Variants in TCF12 observed in about 807,000 individuals in gnomAD.
TCF12 encodes the protein transcription factor 12.
A neutral mutation model predicts 86.0 loss-of-function variants in TCF12; 45 were observed. That is an observed-to-expected ratio of 0.52 (90% confidence interval 0.41 to 0.67). The LOEUF (loss-of-function observed/expected upper bound fraction) is 0.67. Ranked by LOEUF, TCF12 falls within the 30% of genes least tolerant of loss-of-function variation. TCF12 has a pLI of 0.00. For missense variants in TCF12, 881 were observed against 859.9 expected, an observed-to-expected ratio of 1.02 and a Z score of -0.31; for synonymous variants, 330 against 299.6, an observed-to-expected ratio of 1.10 and a Z score of -1.05.
intron 5 of TCF12, among the ~76,000 whole-genome samples, chr15:57,145,097 A>C (rs1276977775): frequency 6.6e-6 from 1 of 152,240 alleles, no homozygotes; most frequent in East Asian, 1.9e-4. Context: ...TCCCTTATTT[A>C]AGAACATTTA....
intron 16 of TCF12, among the ~76,000 whole-genome samples, chr15:57,257,129 C>G (rs1355538031): frequency 6.6e-6 from 1 of 152,152 alleles, no homozygotes; most frequent in African/African-American, 2.4e-5. Flanking sequence ...AAAACAAGCT[C>G]CTTTATTTAC....
chr15:57,171,239 T>C (rs1222262508), intron 6 of TCF12, among the ~76,000 whole-genome samples: 1 of 152,028 alleles, frequency 6.6e-6, no homozygotes, highest in Non-Finnish European at 1.5e-5. Context: ...ACCTTTTTTT[T>C]TTTAAGAATT....
intron 3 of TCF12, among the ~76,000 whole-genome samples, chr15:57,008,201 C>T (rs2064589341): frequency 6.6e-6 from 1 of 150,722 alleles, no homozygotes; most frequent in South Asian, 2.1e-4. Flanking sequence ...CTCCTGGCAT[C>T]AAACATCAAA....
At chr15:57,173,583 A>G (rs906255598) in intron 6 of TCF12, among the ~76,000 whole-genome samples, 1 of 152,182 alleles carries the variant, frequency 6.6e-6, no homozygotes, top group Non-Finnish European at 1.5e-5. Flanking sequence ...TCATATATAC[A>G]TTAAGAATAT....
At chr15:56,983,121 A>C (rs1567202746) in intron 3 of TCF12, among the ~76,000 whole-genome samples, 2 of 152,218 alleles carry the variant, frequency 1.3e-5, no homozygotes, top group East Asian at 3.8e-4. Context: ...TTAATGATTC[A>C]GAATTGCTGG....
At chr15:56,932,500 AAG>A (rs2060289745) in intron 3 of TCF12, among the ~76,000 whole-genome samples, 1 of 152,130 alleles carries the variant, frequency 6.6e-6, no homozygotes, top group African/African-American at 2.4e-5. Context: ...AGAAGAAAAA[AAG>A]AAGTCTTAAA....
At chr15:57,100,294 C>T (rs1341604068) in intron 5 of TCF12, among the ~76,000 whole-genome samples, 10 of 152,082 alleles carry the variant, frequency 6.6e-5, no homozygotes, top group South Asian at 2.1e-4. Context: ...CTGCTATATG[C>T]GTAGAATTTC....
chr15:57,014,075 A>G (rs1362753937), intron 3 of TCF12, among the ~76,000 whole-genome samples: 2 of 152,170 alleles, frequency 1.3e-5, no homozygotes, highest in African/African-American at 4.8e-5. Context: ...GATCTAGGTC[A>G]CGTTGCATGG....
At chr15:57,118,693 G>T (rs1427529569) in intron 5 of TCF12, among the ~76,000 whole-genome samples, 1 of 152,138 alleles carries the variant, frequency 6.6e-6, no homozygotes, top group African/African-American at 2.4e-5. Context: ...AAAGTAGCCA[G>T]TATATTTTCA....
intron 5 of TCF12, among the ~76,000 whole-genome samples, chr15:57,151,818 C>G (rs1380344658): frequency 6.6e-6 from 1 of 151,768 alleles, no homozygotes; most frequent in East Asian, 1.9e-4. Flanking sequence ...TTTTTTGAAC[C>G]CTTCAAAGAG....
chr15:57,265,296 G>GT (rs1350064332), intron 18 of TCF12, among the ~76,000 whole-genome samples: 2 of 151,956 alleles, frequency 1.3e-5, no homozygotes, highest in African/African-American at 4.8e-5. Flanking sequence ...CCTCATGTGG[G>GT]TTTTCTCTAA....
chr15:57,105,876 A>G (rs1378368031), intron 5 of TCF12, among the ~76,000 whole-genome samples: 1 of 152,240 alleles, frequency 6.6e-6, no homozygotes, highest in African/African-American at 2.4e-5. Context: ...AAAGTGTTCC[A>G]TAAATATGAG....
intron 5 of TCF12, among the ~76,000 whole-genome samples, chr15:57,140,524 A>G (rs1212725528): frequency 1.3e-5 from 2 of 152,212 alleles, no homozygotes; most frequent in Non-Finnish European, 2.9e-5. Flanking sequence ...AAACAAAGGA[A>G]ACAAGTTTGA....
chr15:57,263,080 T>C, intron 17 of TCF12, 32 bp from the exon 18 acceptor site: 1 of 1,578,106 alleles, frequency 6.3e-7, no homozygotes, highest in Non-Finnish European at 8.5e-7. Flanking sequence ...AGTCTCGTCT[T>C]TTATTTTATC....
chr15:57,289,861 G>A (rs1009813867), downstream of TCF12: 19 of 152,056 alleles, frequency 1.2e-4, no homozygotes, highest in African/African-American at 4.3e-4. Context: ...CAACTCCCAG[G>A]ATGATTCCTC....
intron 16 of TCF12, among the ~76,000 whole-genome samples, chr15:57,260,416 A>T (rs1181712525): frequency 6.6e-6 from 1 of 152,222 alleles, no homozygotes; most frequent in Non-Finnish European, 1.5e-5. Context: ...TTACATAGCT[A>T]TAAAATGTTT....
At chr15:57,135,219 A>G (rs573923940) in intron 5 of TCF12, among the ~76,000 whole-genome samples, 39 of 152,328 alleles carry the variant, frequency 2.6e-4, no homozygotes, top group African/African-American at 9.4e-4. Flanking sequence ...AAACATCCAG[A>G]TGGATTTACT....
chr15:57,019,096 T>A (rs754891050), intron 3 of TCF12, among the ~76,000 whole-genome samples: 1 of 152,188 alleles, frequency 6.6e-6, no homozygotes, highest in Non-Finnish European at 1.5e-5. Context: ...AGAAAAGAGT[T>A]TTTAGGAATC....
chr15:57,085,081 A>C (rs549690603), intron 4 of TCF12, among the ~76,000 whole-genome samples: 1 of 152,044 alleles, frequency 6.6e-6, no homozygotes, highest in East Asian at 1.9e-4. Flanking sequence ...CCAGTTCAAG[A>C]CTCGCTCTTC....
Sources: allele counts gnomAD v4.1 joint callset (sites outside exome capture counted in the v4.1 genomes callset), GRCh38; gene constraint gnomAD v4.1.1; transcripts MANE v1.5; gene names NCBI Gene and HGNC (gene_info 2026-07-23, HGNC 2026-07-21).